Variants in CCDC102B observed in about 807,000 individuals in gnomAD.
The protein encoded by CCDC102B is coiled-coil domain-containing protein 102B.
Under a neutral mutation model 57.4 loss-of-function variants are expected in CCDC102B, and 75 were observed. The ratio of observed to expected loss-of-function variants is 1.31; its 90% CI spans 1.08 to 1.58. The LOEUF (loss-of-function observed/expected upper bound fraction) is 1.58. Ranked by LOEUF, CCDC102B falls within the 40% of genes most tolerant of loss-of-function variation. The probability of loss-of-function intolerance (pLI) is 0.00; values close to 1 mark genes in which losing one functional copy is unlikely to be tolerated. For missense variants in CCDC102B, 636 were observed against 582.6 expected (o/e 1.09, Z -0.94); for synonymous variants, 206 against 201.9 (o/e 1.02, Z -0.17).
chr18:68,960,702 A>G (rs2050024166), intron 6 of CCDC102B, among the ~76,000 whole-genome samples: 1 of 152,198 alleles, frequency 6.6e-6, no homozygotes, highest in South Asian at 2.1e-4. Flanking sequence ...TGTGATGAAC[A>G]AACGCCTCTG....
chr18:68,874,079 G>GT (rs1355450666), intron 4 of CCDC102B, among the ~76,000 whole-genome samples: 2 of 150,322 alleles, frequency 1.3e-5, no homozygotes, highest in Non-Finnish European at 1.5e-5. Context: ...TCACCTTTCT[G>GT]TTTTTTTCTG....
chr18:68,838,689 T>G lies in CCDC102B; in HGVS notation c.607-17T>G. The G allele has an allele frequency of 6.2e-7, 1 of 1,608,670 alleles. No homozygotes were observed. The highest frequency in any genetic ancestry group is 8.5e-7 in the Non-Finnish European group (1 of 1,177,198). On this transcript the variant is annotated splice_polypyrimidine_tract_variant and intron_variant, in intron 2 of 7. Coordinates refer to ENST00000360242, the MANE Select transcript of CCDC102B (RefSeq NM_024781.3). The stretch of plus-strand genomic sequence containing the variant: ...CTCCAGGAGGTTTAAATATGTTTTG[T>G]TTTGTTTTGTCTTCAGGAACAAGGT...
intron 7 of CCDC102B, among the ~76,000 whole-genome samples, chr18:69,030,817 GA>G (rs1489135497): frequency 3.3e-5 from 5 of 152,018 alleles, no homozygotes; most frequent in Admixed American, 1.3e-4. Flanking sequence ...ACCACGCCCG[GA>G]TCATTTTTGT....
At chr18:69,042,229 A>G (rs2052452160) in intron 7 of CCDC102B, among the ~76,000 whole-genome samples, 1 of 152,128 alleles carries the variant, frequency 6.6e-6, no homozygotes, top group Admixed American at 6.6e-5. Flanking sequence ...ATTACATATT[A>G]AACACTCAGA....
chr18:69,052,988 G>A (rs1488329024), intron 7 of CCDC102B, among the ~76,000 whole-genome samples: 3 of 151,828 alleles, frequency 2.0e-5, no homozygotes, highest in Non-Finnish European at 4.4e-5. Flanking sequence ...TTTTATATTA[G>A]TGACTTGAGC....
chr18:68,890,223 A>T (rs75170815), intron 5 of CCDC102B, among the ~76,000 whole-genome samples: 1,619 of 148,284 alleles, frequency 0.011, 37 homozygotes, highest in East Asian at 0.082. Context: ...ATGATAATGA[A>T]TTTTTTTTTT....
intron 2 of CCDC102B, among the ~76,000 whole-genome samples, chr18:68,784,428 C>A (rs1009016000): frequency 1.3e-5 from 2 of 152,062 alleles, no homozygotes; most frequent in African/African-American, 2.4e-5. Flanking sequence ...CCCCATGATC[C>A]AGTCACCTCC....
rs114149735 is a variant in CCDC102B, at chr18:68,936,296, A to G, written c.1263+38868A>G. Among the ~76,000 whole-genome samples the G allele has an allele frequency of 6.1e-3, 931 of 152,116 alleles. 11 individuals carry two copies. Among genetic ancestry groups the G allele is most frequent in the African/African-American group, 0.022 (897 of 41,524 alleles). On this transcript the variant is annotated intron_variant, in intron 6 of 7. Transcript: ENST00000360242. ...AGCCTGTATTTTCTGTCACATTTTG[A>G]TACAAAAATCCAAATGATATACCTG...
intron 2 of CCDC102B, among the ~76,000 whole-genome samples, chr18:68,735,011 A>G (rs995757824): frequency 3.3e-4 from 51 of 152,306 alleles, no homozygotes; most frequent in African/African-American, 1.0e-3. Flanking sequence ...TTCTGAAACT[A>G]TATATTGCTG....
At chr18:68,717,734 A>G (rs191204799) in intron 2 of CCDC102B, among the ~76,000 whole-genome samples, 6 of 152,056 alleles carry the variant, frequency 3.9e-5, no homozygotes, top group Admixed American at 2.6e-4. Flanking sequence ...AAAAGATTCT[A>G]CTATTTTGAC....
chr18:68,881,814 A>C (rs1403848885), intron 5 of CCDC102B, among the ~76,000 whole-genome samples: 1 of 152,046 alleles, frequency 6.6e-6, no homozygotes, highest in Non-Finnish European at 1.5e-5. Flanking sequence ...TCTGTCATTA[A>C]ACCTCACGCC....
At chr18:68,839,974 T>C (rs550645424) in intron 3 of CCDC102B, among the ~76,000 whole-genome samples, 7 of 152,240 alleles carry the variant, frequency 4.6e-5, no homozygotes, top group African/African-American at 1.4e-4. Context: ...GTGGCAACGA[T>C]CTTTGCAAAA....
At chr18:69,036,577 G>A (rs1335219343) in intron 7 of CCDC102B, among the ~76,000 whole-genome samples, 2 of 152,050 alleles carry the variant, frequency 1.3e-5, no homozygotes, top group Admixed American at 6.6e-5. Flanking sequence ...CAGTGGAAGG[G>A]CGTCTGTTGC....
chr18:68,795,050 G>A (rs2035585318), upstream of CCDC102B, among the ~76,000 whole-genome samples: 1 of 150,510 alleles, frequency 6.6e-6, no homozygotes, highest in Admixed American at 6.6e-5. Context: ...AAAATGTTGT[G>A]GTAAGACAAA....
intron 7 of CCDC102B, among the ~76,000 whole-genome samples, chr18:69,046,726 G>A (rs1268990544): frequency 1.3e-5 from 2 of 151,990 alleles, no homozygotes; most frequent in Non-Finnish European, 2.9e-5. Flanking sequence ...TATAGTTTTA[G>A]GTTTTATATT....
At chr18:68,760,533 G>T (rs914451100) in intron 2 of CCDC102B, among the ~76,000 whole-genome samples, 2 of 152,066 alleles carry the variant, frequency 1.3e-5, no homozygotes, top group African/African-American at 4.8e-5. Flanking sequence ...CATTTAGCCA[G>T]TCCTTCCAAA....
chr18:68,760,641 A>G (rs1051157710), intron 2 of CCDC102B, among the ~76,000 whole-genome samples: 2 of 152,068 alleles, frequency 1.3e-5, no homozygotes, highest in African/African-American at 4.8e-5. Context: ...TCACATTGTC[A>G]CTATAAAAGC....
intron 7 of CCDC102B, among the ~76,000 whole-genome samples, chr18:69,017,267 C>A (rs1369396425): frequency 6.6e-6 from 1 of 151,994 alleles, no homozygotes; most frequent in Admixed American, 6.6e-5. Flanking sequence ...AGGTGCTTGC[C>A]ACCATGCCTG....
intron 6 of CCDC102B, among the ~76,000 whole-genome samples, chr18:68,902,937 G>A (rs966329773): frequency 1.3e-5 from 2 of 152,004 alleles, no homozygotes; most frequent in Admixed American, 6.6e-5. Flanking sequence ...CCCACAACCC[G>A]GCACATTTTT....
Sources: gnomAD v4.1 joint callset for allele counts (sites outside exome capture counted in the v4.1 genomes callset) on GRCh38, gnomAD v4.1.1 for gene constraint, MANE v1.5 for transcripts, NCBI Gene and HGNC (gene_info 2026-07-23, HGNC 2026-07-21) for gene names.